ACCS: variants seen among roughly 807,000 people sequenced by gnomAD.
ACCS encodes the protein 1-aminocyclopropane-1-carboxylate synthase homolog (inactive), also known as 1-aminocyclopropane-1-carboxylate synthase-like protein 1.
ACCS carries 42 observed loss-of-function variants against 59.8 expected under a neutral mutation model. The ratio of observed to expected loss-of-function variants is 0.70; its 90% CI spans 0.55 to 0.91. The LOEUF is 0.91. ACCS is among the 40% of genes least tolerant of loss of function. ACCS has a pLI of 0.00. For synonymous variants in ACCS, 230 were observed against 240.3 expected (o/e 0.96, Z 0.40); for missense variants, 602 against 630.4 (o/e 0.95, Z 0.48).
chr11:44,083,436 G>A lies in ACCS; in HGVS notation c.1267G>A (p.Gly423Ser). The A allele has an allele frequency of 6.2e-7, 1 of 1,614,140 alleles. No homozygotes were observed. Residue 423 changes from glycine to serine, a missense_variant, in exon 14 of 15, where the codon GGC becomes AGC. Gly to Ser is a moderately conservative substitution (Grantham distance 56, BLOSUM62 0). Transcript: ENST00000263776. The stretch of plus-strand genomic sequence containing the variant: ...TCCACCCTCTCAGTACCTGCCCAAG[G>A]GCACCTTTGAGGAGGAAATGCTGCT... ...WVDLRKYLPK[G>S]TFEEEMLLWR...
In ACCS at chr11:44,083,755, C is replaced by G. The variant is rs367774137; in HGVS notation, c.1469C>G (p.Pro490Arg). The G allele has an allele frequency of 6.2e-7, 1 of 1,613,746 alleles. No individual in the cohort carries two copies. Among genetic ancestry groups the G allele is most frequent in the African/African-American group, 1.3e-5 (1 of 74,932 alleles). The change falls in exon 15 of 15, where the codon CCC becomes CGC. Residue 490 changes from proline to arginine, a missense_variant. Physicochemically the swap from Pro to Arg is moderately radical, Grantham distance 103. Coordinates refer to ENST00000263776, the MANE Select transcript of ACCS (RefSeq NM_032592.4). The part of the protein sequence containing the change: ...GKSQVAEDPR[P>R]SQSQEPSDQR... ...TCCCAAGTGGCAGAAGACCCCCGTC[C>G]CTCTCAGAGCCAGGAGCCAAGTGAC...
At chr11:44,067,527 G>T in intron 1 of ACCS, 101 bp from the exon 2 acceptor site, 1 of 1,237,758 alleles carries the variant, frequency 8.1e-7, no homozygotes, top group Non-Finnish European at 1.1e-6. Context: ...TAAAGGAAGG[G>T]GCAGATAAGA....
intron 1 of ACCS, chr11:44,066,999 G>A (rs572100944): frequency 2.5e-3 from 390 of 153,630 alleles, no homozygotes; most frequent in Middle Eastern, 0.017. Flanking sequence ...TGCAGATGAG[G>A]AAACTAAACT....
chr11:44,083,229 A>G lies in ACCS; in HGVS notation c.1172A>G (p.Tyr391Cys), dbSNP rs753396502. ...NHARLKAAHT[Y>C]VSEELRALGI... Reference sequence around the variant, plus strand: ...GCCCGGCTCAAGGCTGCCCACACCTATGTCTCAGAAGAGCTTAGGGCATTG... The same window carrying G: ...GCCCGGCTCAAGGCTGCCCACACCTGTGTCTCAGAAGAGCTTAGGGCATTG... The change falls in exon 13 of 15, where the codon TAT becomes TGT. Residue 391 changes from tyrosine to cysteine, a missense_variant. Tyr to Cys is a radical substitution (Grantham distance 194). Transcript: ENST00000263776. 2.5e-6 allele frequency: 4 copies of G among 1,614,058 alleles called. No individual in the cohort carries two copies. Among genetic ancestry groups the G allele is most frequent in the African/African-American group, 2.7e-5 (2 of 74,918 alleles).
At chr11:44,080,168 T>C (rs1290047255) in intron 10 of ACCS, among the ~76,000 whole-genome samples, 1 of 152,222 alleles carries the variant, frequency 6.6e-6, no homozygotes, top group African/African-American at 2.4e-5. Flanking sequence ...GAGGATTGCA[T>C]GAGCCCAGGA....
At chr11:44,067,206 A>G (rs535931688) in intron 1 of ACCS, 10 of 170,716 alleles carry the variant, frequency 5.9e-5, no homozygotes, top group Non-Finnish European at 8.9e-5. Context: ...ACATAATCTC[A>G]TCCTACCCTT....
At chr11:44,074,780 C>CTTTCTTTT (rs1953262850) in intron 5 of ACCS, 99 bp downstream of exon 5, 24 of 397,358 alleles carry the variant, frequency 6.0e-5, no homozygotes, top group Admixed American at 2.1e-4. Flanking sequence ...TTCTTTTTCT[C>CTTTCTTTT]TCTCTCTCTC....
Position 44,079,627 on chromosome 11 carries a change from C to T in ACCS, c.923+7C>T, listed in dbSNP as rs1441518117. 6.2e-7 allele frequency: 1 copy of T among 1,602,224 alleles called. No individual in the cohort carries two copies. Among genetic ancestry groups the T allele is most frequent in the Non-Finnish European group, 8.5e-7 (1 of 1,174,068 alleles). On this transcript the variant is annotated splice_region_variant and intron_variant, in intron 10 of 14. Transcript: ENST00000263776. ...GTGTCCTAAGCCTGGAAAGGTGAGG[C>T]TCCCTGACACAGCTAACTCCCCCAG...
intron 5 of ACCS, 33 bp from the exon 6 acceptor site, chr11:44,075,493 T>G (rs1213807105): frequency 6.2e-7 from 1 of 1,610,330 alleles, no homozygotes; most frequent in Non-Finnish European, 8.5e-7. Flanking sequence ...CTGGAACTGG[T>G]TCATCTTCAT....
Position 44,083,838 on chromosome 11 carries a change from C to T in ACCS, c.*46C>T. On this transcript the variant is annotated 3_prime_UTR_variant, in exon 15 of 15. Coordinates refer to ENST00000263776, the MANE Select transcript of ACCS (RefSeq NM_032592.4). Reference sequence around the variant, plus strand: ...CAGAGGGCCCAGCAGCCACTGTGGACCTGGGGCGTTCTGGGGCTGCAGAAG... The same window carrying T: ...CAGAGGGCCCAGCAGCCACTGTGGATCTGGGGCGTTCTGGGGCTGCAGAAG... 6.4e-7 allele frequency: 1 copy of T among 1,558,574 alleles called. No individual in the cohort carries two copies.
intron 7 of ACCS, 138 bp from the exon 8 acceptor site, chr11:44,077,707 G>C: frequency 6.8e-7 from 1 of 1,462,038 alleles, no homozygotes; most frequent in Non-Finnish European, 9.0e-7. Flanking sequence ...GTAAGAGGGA[G>C]GGACCCCACC....
At position 44,083,422 on chromosome 11, in the gene ACCS, A is replaced by G; in HGVS notation, c.1255-2A>G. On this transcript the variant is annotated splice_acceptor_variant, in intron 13 of 14. Transcript: ENST00000263776. LOFTEE classifies it high-confidence loss of function. The stretch of plus-strand genomic sequence containing the variant: ...TGTCCTGAGCCCCTTCCACCCTCTC[A>G]GTACCTGCCCAAGGGCACCTTTGAG... The G allele has an allele frequency of 1.2e-6, 2 of 1,614,142 alleles. No individual in the cohort carries two copies. Among genetic ancestry groups the G allele is most frequent in the South Asian group, 2.2e-5 (2 of 91,082 alleles).
intron 5 of ACCS, among the ~76,000 whole-genome samples, 175 bp from the exon 6 acceptor site, chr11:44,075,351 G>A (rs1354196963): frequency 6.6e-6 from 1 of 152,142 alleles, no homozygotes; most frequent in Admixed American, 6.5e-5. Context: ...AGATGATCTG[G>A]AGCAGGGTCC....
At chr11:44,072,148 T>TTTTTTTTATTTATTTA (rs1554991851) in intron 3 of ACCS, 1 of 147,786 alleles carries the variant, frequency 6.8e-6, no homozygotes, top group Non-Finnish European at 1.5e-5. Context: ...AGGGAATAGA[T>TTTTTTTTATTTATTTA]TTTATTTATT....
chr11:44,080,298 G>A (rs569326765), intron 10 of ACCS, among the ~76,000 whole-genome samples: 4 of 152,266 alleles, frequency 2.6e-5, no homozygotes, highest in South Asian at 2.1e-4. Context: ...TAACAGTTCC[G>A]GCTGTTTGTT....
intron 12 of ACCS, chr11:44,081,965 C>G (rs906587150): frequency 1.3e-5 from 2 of 152,218 alleles, no homozygotes; most frequent in Non-Finnish European, 1.5e-5. Context: ...CTTTAAATGC[C>G]GCCATTTACT....
In ACCS at chr11:44,077,991, T is replaced by C. The variant is rs763846243; in HGVS notation, c.732+69T>C. ...TGAGCAGGGTCTGGACCCCTCTTCT[T>C]GTGACTGATCTCCTCCCGGGAGTAG... is the stretch of plus-strand genomic sequence containing the variant. On this transcript the variant is annotated intron_variant, in intron 8 of 14. Transcript: ENST00000263776. 55 of 1,546,790 alleles carry C rather than the reference T, an allele frequency of 3.6e-5. No homozygotes were observed. The Middle Eastern group carries it at 7.2e-4, about 20-fold the overall frequency.
chr11:44,067,352 C>A, intron 1 of ACCS: 1 of 344,886 alleles, frequency 2.9e-6, no homozygotes. Context: ...GAGTGAAAAA[C>A]TTTTGCAGAA....
At chr11:44,080,680 G>A (rs1565182756) in intron 10 of ACCS, 1 of 361,328 alleles carries the variant, frequency 2.8e-6, no homozygotes, top group Non-Finnish European at 5.1e-6. Context: ...GCTGTGAGAG[G>A]ATCTGTTTAG....
Sources: gnomAD v4.1 joint callset for allele counts (sites outside exome capture counted in the v4.1 genomes callset) on GRCh38, gnomAD v4.1.1 for gene constraint, MANE v1.5 for transcripts, NCBI Gene and HGNC (gene_info 2026-07-23, HGNC 2026-07-21) for gene names.